The following ASXL3 variants were observed in gnomAD, a reference collection of about 807,000 sequenced individuals.
The protein encoded by ASXL3 is ASXL transcriptional regulator 3.
A neutral mutation model predicts 170.6 loss-of-function variants in ASXL3; 34 were observed. That is an observed-to-expected ratio of 0.20 (90% CI 0.15 to 0.27). The LOEUF (loss-of-function observed/expected upper bound fraction) is 0.27. ASXL3 is among the 10% of genes least tolerant of loss of function. The pLI, the probability that ASXL3 is intolerant of heterozygous loss-of-function variation, is 1.00. For synonymous variants in ASXL3, 1,002 were observed against 989.1 expected (o/e 1.01, Z -0.24); for missense variants, 2,592 against 2,695.3 (o/e 0.96, Z 0.85).
At chr18:33,731,756 G>T (rs1272886828) in intron 8 of ASXL3, among the ~76,000 whole-genome samples, 1 of 152,018 alleles carries the variant, frequency 6.6e-6, no homozygotes, top group Non-Finnish European at 1.5e-5. Context: ...CCAATCTTTT[G>T]TTGGGTCCCT....
chr18:33,687,014 G>T (rs558297969), intron 8 of ASXL3, among the ~76,000 whole-genome samples: 21 of 152,284 alleles, frequency 1.4e-4, no homozygotes, highest in African/African-American at 4.8e-4. Flanking sequence ...ATTGGAGTTG[G>T]AAATGGAAGG....
rs371181408 is a variant in ASXL3, at chr18:33,739,111, C to T, written c.1707C>T (p.Thr569=). The T allele has an allele frequency of 1.1e-4, 173 of 1,613,310 alleles. No homozygotes were observed. The African/African-American group carries it at 2.1e-3, about 20-fold the overall frequency. Residue 569 remains threonine, a synonymous_variant, in exon 11 of 12, where the codon ACC becomes ACT. Transcript: ENST00000269197. ...CAGAAACTGCAGTAGAGACCAGTAC[C>T]CCCAAAATAAAAACAGGGTCATCTT... The part of the protein sequence containing the change: ...KESETAVETS[T]PKIKTGSSSL...
intron 2 of ASXL3, among the ~76,000 whole-genome samples, chr18:33,641,024 G>T (rs1189922940): frequency 6.6e-6 from 1 of 151,930 alleles, no homozygotes; most frequent in Admixed American, 6.6e-5. Context: ...AAATCATTAT[G>T]TTATATATAA....
rs200887601 is a variant in ASXL3 at position 33,643,994 on chromosome 18, C to T, written c.138-900C>T. Among the ~76,000 whole-genome samples the T allele has an allele frequency of 3.3e-5, 5 of 151,886 alleles. No individual in the cohort carries two copies. In the East Asian group the frequency reaches 7.8e-4, roughly 24 times the overall value. On this transcript the variant is annotated intron_variant, in intron 2 of 11. Coordinates refer to ENST00000269197, the MANE Select transcript of ASXL3 (RefSeq NM_030632.3). Reference sequence around the variant, plus strand: ...ATTTTAAAAGGCAATAATTGTAGCTCTAAATTTTAGCTTCTAAATATTAGT... The same window carrying T: ...ATTTTAAAAGGCAATAATTGTAGCTTTAAATTTTAGCTTCTAAATATTAGT...
chr18:33,722,012 A>G (rs2067269884), intron 8 of ASXL3, among the ~76,000 whole-genome samples: 1 of 152,002 alleles, frequency 6.6e-6, no homozygotes, highest in Non-Finnish European at 1.5e-5. Context: ...GATATTTTTT[A>G]CTATCGCATT....
Position 33,738,877 on chromosome 18 carries a change from A to G in ASXL3, c.1473A>G (p.Gln491=), listed in dbSNP as rs748942696. The part of the protein sequence containing the change: ...ESLTNSHEEP[Q]IAPPEDNLES... ...TAACCAATTCTCATGAAGAACCCCA[A>G]ATAGCACCTCCTGAAGATAACTTGG... Residue 491 remains glutamine, a synonymous_variant, in exon 11 of 12, where the codon CAA becomes CAG. Transcript: ENST00000269197. The G allele has an allele frequency of 1.2e-6, 2 of 1,613,610 alleles. No individual in the cohort carries two copies. Among genetic ancestry groups the G allele is most frequent in the African/African-American group, 1.3e-5 (1 of 75,030 alleles).
At chr18:33,703,735 A>G (rs1166431550) in intron 8 of ASXL3, among the ~76,000 whole-genome samples, 1 of 151,752 alleles carries the variant, frequency 6.6e-6, no homozygotes, top group Admixed American at 6.6e-5. Flanking sequence ...ACATGAATCT[A>G]TTGGGTGGAA....
intron 8 of ASXL3, among the ~76,000 whole-genome samples, chr18:33,688,096 A>G (rs1362693112): frequency 6.6e-6 from 1 of 152,204 alleles, no homozygotes; most frequent in African/African-American, 2.4e-5. Flanking sequence ...AAAAGACCTA[A>G]GATTCACACT....
rs80060861 is a variant in ASXL3 at position 33,733,901 on chromosome 18, A to G, written c.977-409A>G. ...GGCAGAATTAAGCGCTTTACTTTCT[A>G]TATTTCACTACATTTATTATTATGG... On this transcript the variant is annotated intron_variant, in intron 9 of 11. Transcript: ENST00000269197. 4.5e-3 allele frequency among the ~76,000 whole-genome samples: 690 copies of G among 152,226 alleles called. 4 individuals carry two copies. The highest frequency in any genetic ancestry group is 0.012 in the Admixed American group (180 of 15,278).
At chr18:33,639,024 A>G (rs1322632524) in intron 2 of ASXL3, among the ~76,000 whole-genome samples, 1 of 152,208 alleles carries the variant, frequency 6.6e-6, no homozygotes, top group Non-Finnish European at 1.5e-5. Flanking sequence ...TTAAAAATTA[A>G]AATATTACCT....
intron 8 of ASXL3, among the ~76,000 whole-genome samples, chr18:33,695,620 C>T (rs1228942465): frequency 1.3e-5 from 2 of 152,106 alleles, no homozygotes; most frequent in African/African-American, 4.8e-5. Context: ...TACAGATTTT[C>T]AAGTAATTGC....
intron 8 of ASXL3, among the ~76,000 whole-genome samples, chr18:33,691,490 A>C (rs113258241): frequency 0.011 from 1,607 of 152,330 alleles, 37 homozygotes; most frequent in African/African-American, 0.036. Context: ...TAAGAAAATT[A>C]TACTGGTTTG....
At chr18:33,579,122 T>C (rs9952505) in intron 1 of ASXL3, 2,842 of 153,182 alleles carry the variant, frequency 0.019, 89 homozygotes, top group African/African-American at 0.064. Flanking sequence ...GTTCGGCGTT[T>C]GTGAGTTCAA....
In ASXL3 at chr18:33,743,909, C is replaced by T; in HGVS notation, c.4061C>T (p.Ser1354Phe). The change falls in exon 12 of 12, where the codon TCC becomes TTC. Residue 1354 changes from serine (S) to phenylalanine (F), a missense_variant. By Grantham distance (155) the Ser-to-Phe change is radical. Coordinates refer to ENST00000269197, the MANE Select transcript of ASXL3 (RefSeq NM_030632.3). ...ATCGGAAACAATTTGCCAAACCTCTCCACTAGCTCTGTCTTGATTCCCCCA... is the reference window on the plus strand; with the variant it reads ...ATCGGAAACAATTTGCCAAACCTCTTCACTAGCTCTGTCTTGATTCCCCCA... ...PSIGNNLPNL[S>F]TSSVLIPPMG... 2 of 1,613,994 alleles carry T rather than the reference C, an allele frequency of 1.2e-6. No homozygotes were observed. The highest frequency in any genetic ancestry group is 1.7e-6 in the Non-Finnish European group (2 of 1,179,894).
At chr18:33,627,432 CT>C (rs2065619325) in intron 2 of ASXL3, among the ~76,000 whole-genome samples, 1 of 152,124 alleles carries the variant, frequency 6.6e-6, no homozygotes, top group Admixed American at 6.6e-5. Context: ...ACAAATTTAT[CT>C]AAACATGAAA....
chr18:33,738,374 A>G (rs142882319), intron 10 of ASXL3, 113 bp from the exon 11 acceptor site: 1 of 1,094,756 alleles, frequency 9.1e-7, no homozygotes, highest in East Asian at 2.6e-5. Context: ...GTTAATGATT[A>G]TAAATGTAAT....
At chr18:33,599,732 A>G (rs1158819991) in intron 1 of ASXL3, among the ~76,000 whole-genome samples, 1 of 152,142 alleles carries the variant, frequency 6.6e-6, no homozygotes, top group African/African-American at 2.4e-5. Context: ...TGTTACTTTC[A>G]ATAATCAGCT....
chr18:33,647,862 G>A (rs968780847), intron 4 of ASXL3, among the ~76,000 whole-genome samples: 1 of 152,064 alleles, frequency 6.6e-6, no homozygotes, highest in Non-Finnish European at 1.5e-5. Flanking sequence ...ACATAAGGGA[G>A]TGGGGGAGTA....
chr18:33,728,881 A>G (rs1369649232), intron 8 of ASXL3, among the ~76,000 whole-genome samples: 1 of 152,178 alleles, frequency 6.6e-6, no homozygotes, highest in East Asian at 1.9e-4. Context: ...TTGGCTTCAA[A>G]AATTTGATAC....
Sources: allele counts gnomAD v4.1 joint callset (sites outside exome capture counted in the v4.1 genomes callset), GRCh38; gene constraint gnomAD v4.1.1; transcripts MANE v1.5; gene names NCBI Gene and HGNC (gene_info 2026-07-23, HGNC 2026-07-21).